The following HOMER2 variants were observed in gnomAD, a reference collection of about 807,000 sequenced individuals.
HOMER2 encodes homer protein homolog 2.
HOMER2 carries 27 observed loss-of-function variants against 47.0 expected under a neutral mutation model. That is an observed-to-expected ratio of 0.57 (90% CI 0.42 to 0.79). The LOEUF (loss-of-function observed/expected upper bound fraction) is 0.79, where lower values mean the gene tolerates loss of function less well. Among genes scored for constraint, HOMER2 ranks in the 30% least tolerant of loss-of-function variants. The pLI is 0.00. For missense variants in HOMER2, 443 were observed against 435.0 expected, an observed-to-expected ratio of 1.02 and a Z score of -0.16; for synonymous variants, 161 against 163.8, an observed-to-expected ratio of 0.98 and a Z score of 0.13.
At chr15:82,867,124 C>T (rs1250511552) in intron 3 of HOMER2, among the ~76,000 whole-genome samples, 1 of 151,778 alleles carries the variant, frequency 6.6e-6, no homozygotes, top group Non-Finnish European at 1.5e-5. Context: ...ATTTAAATCC[C>T]ACAAACCTGT....
upstream of HOMER2, among the ~76,000 whole-genome samples, chr15:82,954,336 G>A (rs2054563849): frequency 6.6e-6 from 1 of 151,664 alleles, no homozygotes; most frequent in Admixed American, 6.6e-5. Flanking sequence ...TGCTCACCCA[G>A]GCTAGAGTGC....
intron 4 of HOMER2, among the ~76,000 whole-genome samples, chr15:82,862,976 C>T (rs2051841781): frequency 6.6e-6 from 1 of 152,094 alleles, no homozygotes; most frequent in Non-Finnish European, 1.5e-5. Context: ...GGAATTTCTC[C>T]CTCCCTGTCA....
intron 1 of HOMER2, chr15:82,926,584 A>C (rs992668497): frequency 1.1e-4 from 17 of 152,294 alleles, no homozygotes; most frequent in African/African-American, 3.6e-4. Context: ...GCTACTCAGG[A>C]GGCTGAGGCA....
intron 1 of HOMER2, among the ~76,000 whole-genome samples, chr15:82,924,869 TG>T (rs1441155438): frequency 6.6e-6 from 1 of 152,188 alleles, no homozygotes; most frequent in Non-Finnish European, 1.5e-5. Context: ...AGCTACTCAG[TG>T]ACAGTCACCT....
upstream of HOMER2, chr15:82,986,071 T>C: frequency 8.1e-6 from 8 of 985,506 alleles, no homozygotes; most frequent in Non-Finnish European, 9.6e-6. Flanking sequence ...GACAGCTACT[T>C]GCCCACACCT....
At chr15:82,910,402 TG>T (rs954371196) in intron 1 of HOMER2, among the ~76,000 whole-genome samples, 37 of 152,100 alleles carry the variant, frequency 2.4e-4, no homozygotes, top group African/African-American at 8.2e-4. Flanking sequence ...GAGCACCTTA[TG>T]GTGGATTTTT....
At chr15:82,962,418 T>G (rs1230390052) in intron 1 of HOMER2, among the ~76,000 whole-genome samples, 1 of 150,090 alleles carries the variant, frequency 6.7e-6, no homozygotes, top group Non-Finnish European at 1.5e-5. Flanking sequence ...GGCTCACACC[T>G]GTAATTGCAG....
intron 1 of HOMER2, among the ~76,000 whole-genome samples, chr15:82,937,299 G>T (rs2054163599): frequency 1.3e-5 from 2 of 152,178 alleles, no homozygotes; most frequent in Non-Finnish European, 1.5e-5. Flanking sequence ...CAAACTTAGT[G>T]AATGAGACTC....
chr15:82,896,936 C>G (rs1158560261), intron 1 of HOMER2, among the ~76,000 whole-genome samples: 1 of 152,186 alleles, frequency 6.6e-6, no homozygotes, highest in South Asian at 2.1e-4. Context: ...TAGGCTCGCT[C>G]TCCACTTTGA....
At chr15:82,905,533 C>G (rs555303642) in intron 1 of HOMER2, among the ~76,000 whole-genome samples, 1 of 152,000 alleles carries the variant, frequency 6.6e-6, no homozygotes, top group East Asian at 1.9e-4. Flanking sequence ...ATTCAAACTT[C>G]AGAAAATCAA....
intron 1 of HOMER2, among the ~76,000 whole-genome samples, chr15:82,943,294 A>G (rs984526643): frequency 3.9e-5 from 6 of 152,176 alleles, no homozygotes; most frequent in Non-Finnish European, 5.9e-5. Flanking sequence ...CTGGGGCTTG[A>G]GCTGTATGTG....
chr15:82,850,212 A>C (rs759652792), intron 8 of HOMER2, among the ~76,000 whole-genome samples: 7 of 152,258 alleles, frequency 4.6e-5, no homozygotes, highest in South Asian at 2.1e-4. Flanking sequence ...GACCTCACAC[A>C]GGGCCCAGCA....
At chr15:82,981,199 C>T (rs2030384699) in intron 1 of HOMER2, among the ~76,000 whole-genome samples, 1 of 152,200 alleles carries the variant, frequency 6.6e-6, no homozygotes, top group Non-Finnish European at 1.5e-5. Context: ...TTGACAGGCT[C>T]ATTTATCAGC....
intron 3 of HOMER2, among the ~76,000 whole-genome samples, chr15:82,869,774 A>G (rs1026229308): frequency 1.3e-5 from 2 of 152,114 alleles, no homozygotes; most frequent in Non-Finnish European, 2.9e-5. Flanking sequence ...ACACATCTTG[A>G]TCGCTACATA....
At chr15:82,939,465 G>A (rs2054213937) in intron 1 of HOMER2, among the ~76,000 whole-genome samples, 1 of 152,092 alleles carries the variant, frequency 6.6e-6, no homozygotes, top group African/African-American at 2.4e-5. Context: ...CTAGAAGTTC[G>A]AGACCAGCCT....
intron 6 of HOMER2, among the ~76,000 whole-genome samples, chr15:82,853,985 C>G (rs988208243): frequency 1.6e-4 from 25 of 152,202 alleles, no homozygotes; most frequent in African/African-American, 5.8e-4. Context: ...CTCTGGGTCC[C>G]CTTCCTCCAC....
At chr15:82,961,059 C>G (rs898763928) in intron 1 of HOMER2, among the ~76,000 whole-genome samples, 1 of 152,210 alleles carries the variant, frequency 6.6e-6, no homozygotes, top group Non-Finnish European at 1.5e-5. Context: ...CTGTTGGCCC[C>G]AAATGAGCAG....
At chr15:82,860,956 T>TGTGAGAGAGAGAGAGAGAGAGA (rs1555420264) in intron 4 of HOMER2, among the ~76,000 whole-genome samples, 9 of 42,434 alleles carry the variant, frequency 2.1e-4, no homozygotes, top group Middle Eastern at 0.013. Context: ...AGATAGAAGA[T>TGTGAGAGAGAGAGAGAGAGAGA]GAGAGAGAGA....
intron 1 of HOMER2, among the ~76,000 whole-genome samples, chr15:82,982,982 C>T (rs1037063976): frequency 3.3e-5 from 5 of 152,244 alleles, no homozygotes; most frequent in Middle Eastern, 3.4e-3. Context: ...TGATTTTTGA[C>T]GGGGTTATGT....
Sources: gnomAD v4.1 joint callset for allele counts (sites outside exome capture counted in the v4.1 genomes callset) on GRCh38, gnomAD v4.1.1 for gene constraint, MANE v1.5 for transcripts, NCBI Gene and HGNC (gene_info 2026-07-23, HGNC 2026-07-21) for gene names.